The following GPC6 variants were observed in gnomAD, a reference collection of about 807,000 sequenced individuals.
GPC6 encodes the protein glypican-6.
A neutral mutation model predicts 55.2 loss-of-function variants in GPC6; 14 were observed. The ratio of observed to expected loss-of-function variants is 0.25; its 90% CI spans 0.17 to 0.40. The LOEUF is 0.40. Among genes scored for constraint, GPC6 ranks in the 10% least tolerant of loss-of-function variants. The probability of loss-of-function intolerance (pLI) is 1.00; values close to 1 mark genes in which losing one functional copy is unlikely to be tolerated. For synonymous variants in GPC6, 278 were observed against 259.6 expected, an observed-to-expected ratio of 1.07 and a Z score of -0.68; for missense variants, 641 against 708.5, an observed-to-expected ratio of 0.90 and a Z score of 1.08.
chr13:94,094,331 T>C (rs1220546779), intron 4 of GPC6, among the ~76,000 whole-genome samples: 2 of 152,142 alleles, frequency 1.3e-5, no homozygotes, highest in African/African-American at 4.8e-5. Flanking sequence ...AACAAAAGTG[T>C]ATTCATATCT....
chr13:94,155,029 A>G (rs1205951030), intron 4 of GPC6, among the ~76,000 whole-genome samples: 1 of 151,990 alleles, frequency 6.6e-6, no homozygotes, highest in African/African-American at 2.4e-5. Context: ...AGGGCACTGC[A>G]TTGGTCCTTT....
intron 2 of GPC6, among the ~76,000 whole-genome samples, chr13:93,700,408 C>G (rs1281012622): frequency 6.6e-6 from 1 of 152,044 alleles, no homozygotes; most frequent in Non-Finnish European, 1.5e-5. Flanking sequence ...TGTAAACCTA[C>G]CCTGCTCCTC....
intron 1 of GPC6, among the ~76,000 whole-genome samples, chr13:93,465,864 A>C (rs1212090850): frequency 6.6e-6 from 1 of 152,304 alleles, no homozygotes; most frequent in Non-Finnish European, 1.5e-5. Flanking sequence ...TGAAAGAGGT[A>C]CTACTCTTTT....
At chr13:93,335,724 A>G (rs879087492) in intron 1 of GPC6, among the ~76,000 whole-genome samples, 6 of 152,134 alleles carry the variant, frequency 3.9e-5, no homozygotes, top group Admixed American at 2.0e-4. Context: ...CCCAATTTGT[A>G]CCTGCTGACC....
At chr13:93,680,181 A>T (rs1881796557) in intron 2 of GPC6, among the ~76,000 whole-genome samples, 1 of 152,158 alleles carries the variant, frequency 6.6e-6, no homozygotes, top group Non-Finnish European at 1.5e-5. Context: ...TCCTAATTCA[A>T]TATGACTGGT....
chr13:94,095,817 C>G (rs1258505990), intron 4 of GPC6, among the ~76,000 whole-genome samples: 1 of 152,026 alleles, frequency 6.6e-6, no homozygotes, highest in Non-Finnish European at 1.5e-5. Flanking sequence ...AAAGAAAAGT[C>G]GACCTATTAT....
At chr13:94,252,958 GAA>G (rs3043533) in intron 4 of GPC6, among the ~76,000 whole-genome samples, 19,013 of 138,952 alleles carry the variant, frequency 0.14, 1,689 homozygotes, top group East Asian at 0.36. Context: ...GAATAAAAAA[GAA>G]AAAAAAAAAA....
intron 2 of GPC6, among the ~76,000 whole-genome samples, chr13:93,629,001 A>G (rs1879318698): frequency 1.3e-5 from 2 of 151,020 alleles, no homozygotes; most frequent in Admixed American, 1.3e-4. Context: ...AATTCACTGG[A>G]CTTAACATGA....
chr13:93,841,614 A>G (rs1594511682), intron 3 of GPC6, among the ~76,000 whole-genome samples: 1 of 152,172 alleles, frequency 6.6e-6, no homozygotes, highest in East Asian at 1.9e-4. Context: ...GATAACGGTG[A>G]CTCTAACATT....
chr13:93,343,965 A>T (rs1447396173), intron 1 of GPC6, among the ~76,000 whole-genome samples: 3 of 152,042 alleles, frequency 2.0e-5, no homozygotes, highest in Non-Finnish European at 4.4e-5. Flanking sequence ...TATCCACGTC[A>T]CCTCTTCAAA....
At chr13:93,416,311 G>C (rs1025916572) in intron 1 of GPC6, among the ~76,000 whole-genome samples, 3 of 152,106 alleles carry the variant, frequency 2.0e-5, no homozygotes, top group African/African-American at 7.2e-5. Context: ...AATTTACAGA[G>C]CTGGTAGAGC....
chr13:94,231,964 C>T (rs540771909), intron 4 of GPC6, among the ~76,000 whole-genome samples: 1 of 152,214 alleles, frequency 6.6e-6, no homozygotes, highest in East Asian at 1.9e-4. Flanking sequence ...AGGTCCAAAT[C>T]GCAACTCTAT....
intron 1 of GPC6, among the ~76,000 whole-genome samples, chr13:93,489,420 G>A (rs1188314608): frequency 6.6e-6 from 1 of 151,218 alleles, no homozygotes; most frequent in African/African-American, 2.4e-5. Flanking sequence ...CTCCAGCTTT[G>A]TTCTTTTGGC....
intron 2 of GPC6, among the ~76,000 whole-genome samples, chr13:93,580,833 G>T (rs1175667101): frequency 2.0e-5 from 3 of 152,074 alleles, no homozygotes; most frequent in Non-Finnish European, 4.4e-5. Flanking sequence ...ACAATAATCT[G>T]CATTTTAATA....
At chr13:94,370,306 G>C (rs1288754789) in intron 6 of GPC6, among the ~76,000 whole-genome samples, 4 of 152,228 alleles carry the variant, frequency 2.6e-5, no homozygotes, top group Non-Finnish European at 4.4e-5. Flanking sequence ...AAGGAATATG[G>C]TGGTGTTCCC....
intron 3 of GPC6, among the ~76,000 whole-genome samples, chr13:94,013,195 T>C (rs1409550174): frequency 7.0e-6 from 1 of 143,440 alleles, no homozygotes; most frequent in African/African-American, 2.6e-5. Context: ...AAAATATCCA[T>C]TCTTGTGTGT....
intron 3 of GPC6, among the ~76,000 whole-genome samples, chr13:93,905,246 A>T (rs2140330653): frequency 6.6e-6 from 1 of 152,156 alleles, no homozygotes; most frequent in South Asian, 2.1e-4. Flanking sequence ...AATTGGATTC[A>T]AATCATAGCT....
intron 2 of GPC6, among the ~76,000 whole-genome samples, chr13:93,579,817 A>C (rs907518641): frequency 1.4e-4 from 22 of 152,084 alleles, no homozygotes. Flanking sequence ...TTTGTTGGTA[A>C]TAGATTGGAA....
At chr13:94,276,008 G>A (rs1320079900) in intron 4 of GPC6, among the ~76,000 whole-genome samples, 1 of 152,180 alleles carries the variant, frequency 6.6e-6, no homozygotes, top group Non-Finnish European at 1.5e-5. Context: ...CAGCCTTTAT[G>A]AAGAGAATTT....
Sources: gnomAD v4.1 joint callset for allele counts (sites outside exome capture counted in the v4.1 genomes callset) on GRCh38, gnomAD v4.1.1 for gene constraint, MANE v1.5 for transcripts, NCBI Gene and HGNC (gene_info 2026-07-23, HGNC 2026-07-21) for gene names.